Variants in WDR75 observed in about 807,000 individuals in gnomAD.
The protein encoded by WDR75 is WD repeat-containing protein 75.
A neutral mutation model predicts 106.1 loss-of-function variants in WDR75; 52 were observed. The ratio of observed to expected loss-of-function variants is 0.49; its 90% CI spans 0.39 to 0.62. The LOEUF is 0.62. Among genes scored for constraint, WDR75 ranks in the 20% least tolerant of loss-of-function variants. The probability of loss-of-function intolerance (pLI) is 0.00; values close to 1 mark genes in which losing one functional copy is unlikely to be tolerated. For synonymous variants in WDR75, 333 were observed against 335.5 expected, an observed-to-expected ratio of 0.99 and a Z score of 0.08; for missense variants, 905 against 970.3, an observed-to-expected ratio of 0.93 and a Z score of 0.89.
At chr2:189,451,399 A>G (rs1474849315) in intron 3 of WDR75, among the ~76,000 whole-genome samples, 1 of 152,244 alleles carries the variant, frequency 6.6e-6, no homozygotes, top group Non-Finnish European at 1.5e-5. Flanking sequence ...TAGATTGAAA[A>G]AAAATCTAGT....
intron 5 of WDR75, among the ~76,000 whole-genome samples, chr2:189,455,784 TA>T (rs1264217338): frequency 6.6e-6 from 1 of 152,164 alleles, no homozygotes; most frequent in Non-Finnish European, 1.5e-5. Flanking sequence ...AATGAGGAAA[TA>T]AAACCTATAA....
chr2:189,472,867 G>A (rs531794999), intron 18 of WDR75, among the ~76,000 whole-genome samples: 2 of 151,976 alleles, frequency 1.3e-5, no homozygotes, highest in African/African-American at 4.8e-5. Flanking sequence ...TGTATTATAT[G>A]TATTATATAC....
At position 189,462,647 on chromosome 2, in the gene WDR75, G is replaced by A. The variant is rs771143543; in HGVS notation, c.937+5G>A. 4 of 1,612,346 alleles carry A rather than the reference G, an allele frequency of 2.5e-6. No individual in the cohort carries two copies. Among genetic ancestry groups the A allele is most frequent in the Non-Finnish European group, 3.4e-6 (4 of 1,179,158 alleles). ...GCACTTCTCACTCTGATAATAGTAAGTCTAAATTTTTTATTATGAGGAAAT... is the reference window on the plus strand; with the variant it reads ...GCACTTCTCACTCTGATAATAGTAAATCTAAATTTTTTATTATGAGGAAAT... On this transcript the variant is annotated splice_donor_5th_base_variant and intron_variant, in intron 9 of 20. Coordinates refer to ENST00000314761, the MANE Select transcript of WDR75 (RefSeq NM_032168.3).
Position 189,458,662 on chromosome 2 carries a change from G to C in WDR75, c.570-91G>C, listed in dbSNP as rs1050924585. On this transcript the variant is annotated intron_variant, in intron 6 of 20. Transcript: ENST00000314761. ...AATTCTGAGCTCTACAATTTTGGTTGCTATTGCTGGGAACTCTCTTTTACT... is the reference window on the plus strand; with the variant it reads ...AATTCTGAGCTCTACAATTTTGGTTCCTATTGCTGGGAACTCTCTTTTACT... The C allele has an allele frequency of 3.5e-6, 4 of 1,144,658 alleles. No individual in the cohort carries two copies. In the Admixed American group the frequency reaches 1.5e-4, roughly 42 times the overall value. The allele number at this position is 1,144,658 out of a possible 1,614,324, so 70.9% of individuals were successfully genotyped here. A position where few individuals can be genotyped will look rare whatever the true frequency, so the allele number is the denominator to read the frequency against.
chr2:189,472,117 A>G (rs1284741665), intron 18 of WDR75, among the ~76,000 whole-genome samples: 1 of 152,224 alleles, frequency 6.6e-6, no homozygotes, highest in Admixed American at 6.5e-5. Flanking sequence ...GTTGGGATAC[A>G]GTAGTGAGAA....
In WDR75 at chr2:189,462,535, A is replaced by G; in HGVS notation, c.830A>G (p.Asp277Gly). Residue 277 changes from aspartate (D) to glycine (G), a missense_variant, in exon 9 of 21, where the codon GAT becomes GGT. Coordinates refer to ENST00000314761, the MANE Select transcript of WDR75 (RefSeq NM_032168.3). ...GAATCTGTACTTGTAGAGTGGCGCG[A>G]TGCAACAGAGAAGAATAAGGAGTTT... ...GRESVLVEWR[D>G]ATEKNKEFLP... 6.2e-7 allele frequency: 1 copy of G among 1,614,122 alleles called. No individual in the cohort carries two copies. Among genetic ancestry groups the G allele is most frequent in the Non-Finnish European group, 8.5e-7 (1 of 1,179,982 alleles).
intron 11 of WDR75, chr2:189,464,172 G>T (rs1686955154): frequency 1.8e-6 from 1 of 542,684 alleles, no homozygotes; most frequent in South Asian, 2.5e-5. Flanking sequence ...TGGCACTCCT[G>T]TACGTGCTGT....
At chr2:189,453,744 C>T (rs1258272561) in intron 4 of WDR75, among the ~76,000 whole-genome samples, 1 of 152,150 alleles carries the variant, frequency 6.6e-6, no homozygotes, top group African/African-American at 2.4e-5. Flanking sequence ...AGCTGGCTTG[C>T]TTACTGCACC....
chr2:189,469,237 G>A, intron 15 of WDR75, 107 bp from the exon 16 acceptor site: 1 of 813,544 alleles, frequency 1.2e-6, no homozygotes, highest in East Asian at 2.6e-5. Flanking sequence ...GTCTCCATGT[G>A]TGTTAGTTGG....
At chr2:189,448,601 A>T in intron 2 of WDR75, 93 bp downstream of exon 2, 7 of 1,492,784 alleles carry the variant, frequency 4.7e-6, no homozygotes, top group Non-Finnish European at 6.4e-6. Flanking sequence ...TTTCCAGGTT[A>T]TAAGTAAAAT....
At chr2:189,441,838 G>T (rs1686373632) in intron 1 of WDR75, among the ~76,000 whole-genome samples, 1 of 152,178 alleles carries the variant, frequency 6.6e-6, no homozygotes, top group African/African-American at 2.4e-5. Flanking sequence ...TCGAGGATCT[G>T]GAAGGTGTTC....
chr2:189,449,328 A>G, intron 2 of WDR75: 1 of 1,300,618 alleles, frequency 7.7e-7, no homozygotes, highest in South Asian at 1.2e-5. Context: ...AGTAGCACCG[A>G]TCTTTTCTTT....
At chr2:189,456,610 G>T (rs964472364) in intron 5 of WDR75, among the ~76,000 whole-genome samples, 1 of 152,040 alleles carries the variant, frequency 6.6e-6, no homozygotes, top group African/African-American at 2.4e-5. Flanking sequence ...CAGATAGGTG[G>T]GATGGAAACA....
At position 189,455,420 on chromosome 2, in the gene WDR75, C is replaced by G. The variant is rs746207634; in HGVS notation, c.474C>G (p.Pro158=). ...SFVLDYINQS[P]KCIAFGNEGV... ...TTTTGGATTACATAAACCAGTCACC[C>G]AAGTGCATTGCCTTTGGAAACGAGG... The change falls in exon 5 of 21, where the codon CCC becomes CCG. Residue 158 remains proline, a synonymous_variant. Coordinates refer to ENST00000314761, the MANE Select transcript of WDR75 (RefSeq NM_032168.3). 1.9e-6 allele frequency: 3 copies of G among 1,612,368 alleles called. No individual in the cohort carries two copies. In the Admixed American group the frequency reaches 5.0e-5, roughly 27 times the overall value.
At chr2:189,465,048 T>G (rs1434890602) in intron 11 of WDR75, 31 bp from the exon 12 acceptor site, 2 of 1,454,160 alleles carry the variant, frequency 1.4e-6, no homozygotes, top group Non-Finnish European at 9.4e-7. Flanking sequence ...TTAATAAACA[T>G]TTTGGTTTTT....
rs1056848460 is a variant in WDR75, at chr2:189,457,354, A to T, written c.542A>T (p.Tyr181Phe). 1 of 1,603,882 alleles carries T rather than the reference A, an allele frequency of 6.2e-7. No individual in the cohort carries two copies. ...AAVREFYLSV[Y>F]FFKKKTTSRF... Reference sequence around the variant, plus strand: ...GTACGGGAATTTTACTTGTCTGTTTATTTTTTCAAAAAGAAAACAACATCA... The same window carrying T: ...GTACGGGAATTTTACTTGTCTGTTTTTTTTTTCAAAAAGAAAACAACATCA... Residue 181 changes from tyrosine to phenylalanine, a missense_variant, in exon 6 of 21, where the codon TAT (tyrosine) becomes TTT (phenylalanine). Physicochemically the swap from Tyr to Phe is conservative, Grantham distance 22. Transcript: ENST00000314761.
chr2:189,474,606 G>A, intron 19 of WDR75, 111 bp from the exon 20 acceptor site: 2 of 994,100 alleles, frequency 2.0e-6, no homozygotes, highest in South Asian at 3.1e-5. Flanking sequence ...GCCTTTTCAT[G>A]TTTCACTCTT....
chr2:189,466,426 T>G lies in WDR75; in HGVS notation c.1291T>G (p.Phe431Val). 3 of 1,611,880 alleles carry G rather than the reference T, an allele frequency of 1.9e-6. No individual in the cohort carries two copies. The highest frequency in any genetic ancestry group is 2.5e-6 in the Non-Finnish European group (3 of 1,178,780). Residue 431 changes from phenylalanine (F) to valine (V), a missense_variant and splice_region_variant, in exon 13 of 21, where the codon TTT (phenylalanine) becomes GTT (valine). Phe to Val is a conservative substitution (Grantham distance 50). Coordinates refer to ENST00000314761, the MANE Select transcript of WDR75 (RefSeq NM_032168.3). The stretch of plus-strand genomic sequence containing the variant: ...AATTTGTGGTTTCCTTCCCGCTAGG[T>G]TTATTCTTAACACTAAAATTAACAT... Reference protein sequence around the residue: ...LWMYNKKTQGFILNTKINMPH... With the variant: ...LWMYNKKTQGVILNTKINMPH...
At position 189,447,259 on chromosome 2, in the gene WDR75, C is replaced by T. The variant is rs536496016; in HGVS notation, c.87-1120C>T. ...TCTGCGCCTTGTTCTGTGATAATAT[C>T]GTGAAAGTAGTCAAACAGTGCCCCA... On this transcript the variant is annotated intron_variant, in intron 1 of 20. Coordinates refer to ENST00000314761, the MANE Select transcript of WDR75 (RefSeq NM_032168.3). Among the ~76,000 whole-genome samples, 17 of 152,262 alleles carry T rather than the reference C, an allele frequency of 1.1e-4. No individual in the cohort carries two copies. In the East Asian group the frequency reaches 3.1e-3, roughly 28 times the overall value.
Sources: allele counts gnomAD v4.1 joint callset (sites outside exome capture counted in the v4.1 genomes callset), GRCh38; gene constraint gnomAD v4.1.1; transcripts MANE v1.5; gene names NCBI Gene and HGNC (gene_info 2026-07-23, HGNC 2026-07-21).